The following RPS6KA5 variants were observed in gnomAD, a reference collection of about 807,000 sequenced individuals.
RPS6KA5 encodes ribosomal protein S6 kinase alpha-5.
RPS6KA5 carries 27 observed loss-of-function variants against 85.5 expected under a neutral mutation model. That is an observed-to-expected ratio of 0.32 (90% CI 0.23 to 0.44). The LOEUF (loss-of-function observed/expected upper bound fraction) is 0.44. Ranked by LOEUF, RPS6KA5 falls within the 20% of genes least tolerant of loss-of-function variation. The pLI is 1.00. For synonymous variants in RPS6KA5, 334 were observed against 348.2 expected (o/e 0.96, Z 0.46); for missense variants, 811 against 980.9 (o/e 0.83, Z 2.31).
chr14:90,983,846 T>TC (rs1204802381), intron 2 of RPS6KA5, among the ~76,000 whole-genome samples: 24 of 102,542 alleles, frequency 2.3e-4, no homozygotes, highest in East Asian at 1.3e-3. Flanking sequence ...TCTCTTTCTT[T>TC]TTTTCTTTCT....
chr14:91,050,898 A>G (rs978135030), intron 1 of RPS6KA5, among the ~76,000 whole-genome samples: 2 of 152,220 alleles, frequency 1.3e-5, no homozygotes, highest in African/African-American at 4.8e-5. Flanking sequence ...AACAGATCCA[A>G]CATGAATCCT....
At chr14:90,915,444 G>A (rs952551436) in intron 7 of RPS6KA5, among the ~76,000 whole-genome samples, 2 of 152,178 alleles carry the variant, frequency 1.3e-5, no homozygotes, top group Admixed American at 6.5e-5. Flanking sequence ...TGTCAGGTTA[G>A]AGCAGCCCAC....
intron 2 of RPS6KA5, among the ~76,000 whole-genome samples, chr14:90,993,357 T>G (rs1659693140): frequency 6.6e-6 from 1 of 152,162 alleles, no homozygotes; most frequent in Admixed American, 6.5e-5. Flanking sequence ...GGAGAATCAC[T>G]TGAACCCAGG....
chr14:90,934,473 T>A (rs1221142120), intron 5 of RPS6KA5, among the ~76,000 whole-genome samples: 2 of 152,194 alleles, frequency 1.3e-5, no homozygotes, highest in African/African-American at 2.4e-5. Flanking sequence ...ATCATTTTCC[T>A]TTCTTTCTTA....
chr14:90,974,052 AAAAAAAAT>A (rs1332642013), intron 3 of RPS6KA5, among the ~76,000 whole-genome samples: 3 of 151,388 alleles, frequency 2.0e-5, no homozygotes, highest in African/African-American at 7.3e-5. Context: ...AAAAAAAAAA[AAAAAAAAT>A]AGTGTCCAAA....
intron 3 of RPS6KA5, among the ~76,000 whole-genome samples, chr14:90,958,823 A>C (rs2038655543): frequency 6.6e-6 from 1 of 152,242 alleles, no homozygotes; most frequent in Non-Finnish European, 1.5e-5. Context: ...AGATATTATT[A>C]ATGAGTTGGA....
In RPS6KA5 at chr14:90,852,148, G is replaced by T. The variant is rs1193319531; in HGVS notation, c.*19926C>A. The T allele has an allele frequency of 1.5e-5, 2 of 137,576 alleles. No homozygotes were observed. The highest frequency in any genetic ancestry group is 5.4e-5 in the African/African-American group (2 of 37,052). The allele number at this position is 137,576 out of a possible 1,614,324, so 8.5% of individuals were successfully genotyped here. On this transcript the variant is annotated 3_prime_UTR_variant, in exon 17 of 17. Coordinates refer to ENST00000614987, the MANE Select transcript of RPS6KA5 (RefSeq NM_004755.4). ...TCTGTCGCCCAGGCTGGAGTGCAGT[G>T]GTGTGGTGCGATCTTGGCTCACTGC...
At chr14:90,940,568 TCTG>T (rs2037515625) in intron 5 of RPS6KA5, among the ~76,000 whole-genome samples, 1 of 152,234 alleles carries the variant, frequency 6.6e-6, no homozygotes, top group Non-Finnish European at 1.5e-5. Flanking sequence ...AGGGCCAAAG[TCTG>T]TTTCTATCTA....
intron 2 of RPS6KA5, among the ~76,000 whole-genome samples, chr14:90,992,799 G>A (rs2040365456): frequency 6.6e-6 from 1 of 152,066 alleles, no homozygotes; most frequent in African/African-American, 2.4e-5. Context: ...AACAGTTATA[G>A]GACTATGTAG....
chr14:90,951,890 T>C (rs1161799390), intron 3 of RPS6KA5, among the ~76,000 whole-genome samples: 2 of 152,128 alleles, frequency 1.3e-5, no homozygotes, highest in Admixed American at 6.5e-5. Context: ...GGGGAAACTT[T>C]TCTGTCTGTT....
chr14:90,987,756 C>CTTTT (rs1379416766), intron 2 of RPS6KA5, among the ~76,000 whole-genome samples: 1 of 152,136 alleles, frequency 6.6e-6, no homozygotes, highest in East Asian at 1.9e-4. Flanking sequence ...AAAAAGTGAA[C>CTTTT]TTCTTAAAGA....
intron 2 of RPS6KA5, among the ~76,000 whole-genome samples, chr14:90,995,238 G>A (rs944509169): frequency 2.0e-5 from 3 of 152,094 alleles, no homozygotes; most frequent in Non-Finnish European, 4.4e-5. Flanking sequence ...GCTGGCCTCA[G>A]CCTCCCAAAG....
intron 13 of RPS6KA5, among the ~76,000 whole-genome samples, chr14:90,892,413 A>G (rs2034613956): frequency 6.6e-6 from 1 of 152,214 alleles, no homozygotes; most frequent in African/African-American, 2.4e-5. Flanking sequence ...AACACTGCTC[A>G]CTTGCCTACC....
At chr14:90,986,831 C>T (rs1441149802) in intron 2 of RPS6KA5, among the ~76,000 whole-genome samples, 1 of 152,210 alleles carries the variant, frequency 6.6e-6, no homozygotes, top group Non-Finnish European at 1.5e-5. Context: ...TCCCATGAGT[C>T]CAGGCTGAAT....
chr14:90,853,361 A>T lies in RPS6KA5; in HGVS notation c.*18713T>A, dbSNP rs191949827. ...AAAATTTCAAAGAGTAGATTCATCA[A>T]ACTAAGATCTCCCATTAAGACATCA... On this transcript the variant is annotated 3_prime_UTR_variant, in exon 17 of 17. Coordinates refer to ENST00000614987, the MANE Select transcript of RPS6KA5 (RefSeq NM_004755.4). The T allele has an allele frequency of 6.6e-6, 1 of 152,310 alleles. No homozygotes were observed. Among genetic ancestry groups the T allele is most frequent in the African/African-American group, 2.4e-5 (1 of 41,578 alleles). 9.4% of individuals were successfully genotyped at this position (152,310 alleles called of 1,614,324 possible).
chr14:90,872,586 T>G (rs954681341), intron 16 of RPS6KA5, among the ~76,000 whole-genome samples: 9 of 152,306 alleles, frequency 5.9e-5, no homozygotes, highest in Non-Finnish European at 5.9e-5. Context: ...TTGAAGAAGT[T>G]AGTACTACAT....
chr14:90,986,366 T>C (rs140190110), intron 2 of RPS6KA5, among the ~76,000 whole-genome samples: 3 of 152,198 alleles, frequency 2.0e-5, no homozygotes, highest in African/African-American at 7.2e-5. Flanking sequence ...TCTTGTGAAA[T>C]GGTGACTTGG....
At chr14:90,896,679 T>C (rs1595152253) in intron 12 of RPS6KA5, among the ~76,000 whole-genome samples, 1 of 152,260 alleles carries the variant, frequency 6.6e-6, no homozygotes, top group East Asian at 1.9e-4. Flanking sequence ...GGTTGTCCCT[T>C]AGAGCCTCCA....
intron 3 of RPS6KA5, among the ~76,000 whole-genome samples, chr14:90,951,147 G>A (rs1453074141): frequency 6.9e-6 from 1 of 144,652 alleles, no homozygotes; most frequent in East Asian, 2.1e-4. Flanking sequence ...GAGAGAGAGA[G>A]AGAGATAATG....
Sources: gnomAD v4.1 joint callset for allele counts (sites outside exome capture counted in the v4.1 genomes callset) on GRCh38, gnomAD v4.1.1 for gene constraint, MANE v1.5 for transcripts, NCBI Gene and HGNC (gene_info 2026-07-23, HGNC 2026-07-21) for gene names.